Variants in ARL10 observed in about 807,000 individuals in gnomAD.
ARL10 encodes ARF like GTPase 10.
Under a neutral mutation model 26.1 loss-of-function variants are expected in ARL10, and 23 were observed. That is an observed-to-expected ratio of 0.88 (90% CI 0.63 to 1.25). ARL10 has a LOEUF of 1.25. ARL10 is among the 50% of genes most tolerant of loss of function. The pLI, the probability that ARL10 is intolerant of heterozygous loss-of-function variation, is 0.00. For missense variants in ARL10, 300 were observed against 323.6 expected (o/e 0.93, Z 0.56); for synonymous variants, 138 against 149.1 (o/e 0.93, Z 0.54).
intron 1 of ARL10, among the ~76,000 whole-genome samples, chr5:176,395,540 G>GAACA (rs2113626822): frequency 1.3e-5 from 2 of 152,326 alleles, no homozygotes; most frequent in African/African-American, 4.8e-5. Flanking sequence ...CTAGAGTGAA[G>GAACA]AACAGCAAGT....
chr5:176,412,553 A>G, the ARL10 span, among the ~76,000 whole-genome samples: 1 of 152,212 alleles, frequency 6.6e-6, no homozygotes, highest in Non-Finnish European at 1.5e-5. Context: ...TGGAGGCCAC[A>G]TGAGGTTAAT....
At chr5:176,402,285 G>A (rs554449032), downstream of ARL10, among the ~76,000 whole-genome samples, 4 of 152,322 alleles carry the variant, frequency 2.6e-5, no homozygotes, top group East Asian at 3.9e-4. Flanking sequence ...GTAACAGAGC[G>A]AGACTCTGTC....
chr5:176,372,126 T>TA lies in ARL10; in HGVS notation c.*232dup, dbSNP rs1768566194. On this transcript the variant is annotated 3_prime_UTR_variant, in exon 4 of 4. Transcript: ENST00000310389. ...TGGGTGAGACAGAGGGTGGGGAGGA[T>TA]AGTGTCTGGCTCATTCCAGGCTGGA... The TA allele has an allele frequency of 7.3e-7, 1 of 1,374,772 alleles. No homozygotes were observed. The highest frequency in any genetic ancestry group is 9.5e-7 in the Non-Finnish European group (1 of 1,055,840). 85.2% of individuals were successfully genotyped at this position (1,374,772 alleles called of 1,614,324 possible). A position where few individuals can be genotyped will look rare whatever the true frequency, so the allele number is the denominator to read the frequency against.
At chr5:176,402,984 C>G (rs549905663), downstream of ARL10, among the ~76,000 whole-genome samples, 3 of 151,994 alleles carry the variant, frequency 2.0e-5, no homozygotes, top group South Asian at 6.2e-4. Flanking sequence ...GGTGAGGGGC[C>G]CTGAACAGGA....
Position 176,387,904 on chromosome 5 carries a change from A to G in ARL10, c.37-391A>G, listed in dbSNP as rs151144933. Among the ~76,000 whole-genome samples, 52 of 152,342 alleles carry G rather than the reference A, an allele frequency of 3.4e-4. No homozygotes were observed. The East Asian group carries it at 5.4e-3, about 16-fold the overall frequency. On this transcript the variant is annotated intron_variant, in intron 1 of 1. Transcript: ENST00000503175. ...TGAATAACAAAGAAAAGGTGTAAGT[A>G]AAGATCTCCAACTCTTAGGGAGTAC...
At chr5:176,367,002 C>G (rs940051802) in intron 2 of ARL10, among the ~76,000 whole-genome samples, 1 of 106,522 alleles carries the variant, frequency 9.4e-6, no homozygotes, top group South Asian at 2.9e-4. Context: ...CCTTTCTAGT[C>G]TTTTTTTTTT....
At chr5:176,404,044 C>T (rs761208143), downstream of ARL10, among the ~76,000 whole-genome samples, 6 of 152,222 alleles carry the variant, frequency 3.9e-5, no homozygotes, top group Non-Finnish European at 5.9e-5. Flanking sequence ...CATGAGCCAC[C>T]ACACCCAGCC....
the ARL10 span, among the ~76,000 whole-genome samples, chr5:176,414,889 GAC>G: frequency 6.6e-6 from 1 of 152,200 alleles, no homozygotes; most frequent in African/African-American, 2.4e-5. Context: ...CCAGCGTCCT[GAC>G]ACACAGTAGG....
At chr5:176,386,914 A>G in intron 1 of ARL10, 1 of 1,613,746 alleles carries the variant, frequency 6.2e-7, no homozygotes, top group African/African-American at 1.3e-5. Context: ...CTTCACCTGC[A>G]GAGAACAGAG....
chr5:176,389,737 A>C, downstream of ARL10: 1 of 422,226 alleles, frequency 2.4e-6, no homozygotes, highest in South Asian at 5.1e-5. Flanking sequence ...TGCTTAATAA[A>C]CTCTAAAAAT....
chr5:176,385,579 C>T (rs1274643219), downstream of ARL10, among the ~76,000 whole-genome samples: 2 of 152,160 alleles, frequency 1.3e-5, no homozygotes, highest in South Asian at 4.1e-4. Flanking sequence ...CACTTCTCTC[C>T]GGGCCTCAGG....
Position 176,367,289 on chromosome 5 carries a change from G to A in ARL10, c.385+708G>A, listed in dbSNP as rs1391989510. Reference sequence around the variant, plus strand: ...CTCCCAAAGTGCTGGGATTACAGGCGTAAGCCATCGCACCCCACCATTCTA... The same window carrying A: ...CTCCCAAAGTGCTGGGATTACAGGCATAAGCCATCGCACCCCACCATTCTA... On this transcript the variant is annotated intron_variant, in intron 2 of 3. Transcript: ENST00000310389. Among the ~76,000 whole-genome samples, 7 of 151,862 alleles carry A rather than the reference G, an allele frequency of 4.6e-5. 1 individual carries two copies. The highest frequency in any genetic ancestry group is 3.9e-4 in the East Asian group (2 of 5,168).
At chr5:176,392,749 CTG>C, downstream of ARL10, 1 of 1,612,242 alleles carries the variant, frequency 6.2e-7, no homozygotes, top group Non-Finnish European at 8.5e-7. This position sits in a 1 kb window ranked among gnomAD's most constrained non-coding sequence, Gnocchi z 5.2. Context: ...AGCCCATGCT[CTG>C]TGGCCATGCA....
At chr5:176,406,067 T>C, downstream of ARL10, 1 of 781,966 alleles carries the variant, frequency 1.3e-6, no homozygotes, top group Non-Finnish European at 1.6e-6. Context: ...ATTTCCGGGC[T>C]GCTCAGAACT....
chr5:176,385,334 T>A (rs772745761), downstream of ARL10: 3 of 1,530,800 alleles, frequency 2.0e-6, no homozygotes, highest in South Asian at 3.4e-5. Flanking sequence ...AGGTCTGGAG[T>A]GATGAGAGAA....
downstream of ARL10, chr5:176,384,660 C>T (rs1755691567): frequency 4.2e-5 from 19 of 449,198 alleles, 1 homozygote; most frequent in South Asian, 5.4e-4. Flanking sequence ...GTCCCAGCTA[C>T]TTGGGAGGCC....
At chr5:176,394,740 A>G (rs959295742) in intron 1 of ARL10, among the ~76,000 whole-genome samples, 4 of 152,080 alleles carry the variant, frequency 2.6e-5, no homozygotes, top group Middle Eastern at 3.2e-3. Context: ...GCTTGAGCCC[A>G]GGAGGCGGAG....
downstream of ARL10, chr5:176,389,716 C>T (rs1756183155): frequency 2.1e-6 from 1 of 478,070 alleles, no homozygotes. Context: ...CACATCTCCC[C>T]TCCACTCCCC....
chr5:176,375,984 T>C lies in ARL10; in HGVS notation c.*4089T>C, dbSNP rs1424593135. The C allele has an allele frequency of 6.6e-6, 1 of 152,166 alleles. No individual in the cohort carries two copies. The allele number at this position is 152,166 out of a possible 1,614,324, so 9.4% of individuals were successfully genotyped here. The stretch of plus-strand genomic sequence containing the variant: ...TAGGCATTACCTGGACAGGTTTTTT[T>C]CCATATTGGCACTTATTAATTGAAA... On this transcript the variant is annotated 3_prime_UTR_variant, in exon 4 of 4. Coordinates refer to ENST00000310389, the MANE Select transcript of ARL10 (RefSeq NM_173664.6).
Sources: allele counts gnomAD v4.1 joint callset (sites outside exome capture counted in the v4.1 genomes callset), GRCh38; gene constraint gnomAD v4.1.1; non-coding constraint Gnocchi (gnomAD v3.1); transcripts MANE v1.5; gene names NCBI Gene and HGNC (gene_info 2026-07-23, HGNC 2026-07-21).